TTC7B: variants seen among roughly 807,000 people sequenced by gnomAD.
TTC7B encodes the protein tetratricopeptide repeat protein 7B.
Under a neutral mutation model 106.8 loss-of-function variants are expected in TTC7B, and 28 were observed. The ratio of observed to expected loss-of-function variants is 0.26; its 90% CI spans 0.19 to 0.36. The LOEUF is 0.36. Among genes scored for constraint, TTC7B ranks in the 10% least tolerant of loss-of-function variants. The pLI is 1.00. For missense variants in TTC7B, 862 were observed against 1,076.4 expected (o/e 0.80, Z 2.79); for synonymous variants, 405 against 430.6 (o/e 0.94, Z 0.74).
At position 90,689,774 on chromosome 14, in the gene TTC7B, G is replaced by T. The variant is rs865963477; in HGVS notation, c.778-62C>A. The T allele has an allele frequency of 7.8e-6, 12 of 1,543,896 alleles. 1 individual carries two copies. The South Asian group carries it at 1.2e-4, about 15-fold the overall frequency. ...CTATCTTGTATTAGTCATTCATTCA[G>T]TCAGTCAATAAATATTTATATCATC... On this transcript the variant is annotated intron_variant, in intron 6 of 19. Transcript: ENST00000328459.
chr14:90,806,705 G>A (rs190241394), intron 1 of TTC7B, among the ~76,000 whole-genome samples: 79 of 152,234 alleles, frequency 5.2e-4, no homozygotes, highest in African/African-American at 1.6e-3. Context: ...CCAGGAGTTC[G>A]AGACCAGCCT....
rs776571994 is a variant in TTC7B at position 90,690,602 on chromosome 14, TA to T, written c.778-891del. On this transcript the variant is annotated intron_variant, in intron 6 of 19. Transcript: ENST00000328459. The stretch of plus-strand genomic sequence containing the variant: ...GTAACAAAGAAGAGGATAAGTAATT[TA>T]AAAAAAAATCCCTCTGAAAAGAGAA... Among the ~76,000 whole-genome samples the T allele has an allele frequency of 4.0e-5, 6 of 151,738 alleles. No individual in the cohort carries two copies. In the South Asian group the frequency reaches 1.0e-3, roughly 26 times the overall value.
At chr14:90,612,800 T>C (rs922536846) in intron 16 of TTC7B, among the ~76,000 whole-genome samples, 2 of 152,190 alleles carry the variant, frequency 1.3e-5, no homozygotes, top group African/African-American at 4.8e-5. Flanking sequence ...ACAACACACA[T>C]CTGAGGTTAA....
chr14:90,621,094 C>T (rs1227529876), intron 15 of TTC7B, among the ~76,000 whole-genome samples: 1 of 149,064 alleles, frequency 6.7e-6, no homozygotes, highest in Non-Finnish European at 1.5e-5. Context: ...GGGGCAGAGG[C>T]CACATGGGTT....
At chr14:90,666,890 T>C (rs1886431622) in intron 9 of TTC7B, among the ~76,000 whole-genome samples, 2 of 152,212 alleles carry the variant, frequency 1.3e-5, no homozygotes, top group South Asian at 4.1e-4. Flanking sequence ...TGCTCTCCTC[T>C]CAACTCTACG....
chr14:90,784,976 C>T (rs1891337982), intron 2 of TTC7B, among the ~76,000 whole-genome samples: 1 of 152,142 alleles, frequency 6.6e-6, no homozygotes, highest in Non-Finnish European at 1.5e-5. Context: ...CAAAGGTTGC[C>T]CAGGCCCTCC....
chr14:90,574,807 C>T (rs917395091), intron 19 of TTC7B, among the ~76,000 whole-genome samples: 1 of 152,214 alleles, frequency 6.6e-6, no homozygotes, highest in Non-Finnish European at 1.5e-5. Flanking sequence ...GACTGCTTGT[C>T]CCCTGGCTCC....
rs1446765944 is a variant in TTC7B at position 90,532,346 on chromosome 14, C to G, written c.*9022G>C. On this transcript the variant is annotated 3_prime_UTR_variant, in exon 20 of 20. Coordinates refer to ENST00000328459, the MANE Select transcript of TTC7B (RefSeq NM_001010854.2). ...CCCTATTTGTACATTACAGGATGCT[C>G]TTCCCTCTTCACATGGTCTGGTCCT... The G allele has an allele frequency of 6.6e-6, 1 of 152,208 alleles. No homozygotes were observed. The highest frequency in any genetic ancestry group is 1.5e-5 in the Non-Finnish European group (1 of 68,034). The allele number at this position is 152,208 out of a possible 1,614,324, so 9.4% of individuals were successfully genotyped here.
chr14:90,784,291 C>T (rs1473371524), intron 2 of TTC7B, among the ~76,000 whole-genome samples: 1 of 152,222 alleles, frequency 6.6e-6, no homozygotes, highest in Non-Finnish European at 1.5e-5. Flanking sequence ...GGAGCGGTGG[C>T]TCACGCCTGT....
chr14:90,638,299 T>C (rs1447084224), intron 15 of TTC7B, among the ~76,000 whole-genome samples: 1 of 152,158 alleles, frequency 6.6e-6, no homozygotes, highest in Non-Finnish European at 1.5e-5. Flanking sequence ...AAAGAAACAA[T>C]TTTAATCACC....
At position 90,525,256 on chromosome 14, in the gene TTC7B, C is replaced by G. The variant is rs1163331102; in HGVS notation, c.*16112G>C. Reference sequence around the variant, plus strand: ...CTCGTCACCACTACCTGGAGATTCACCCATGTTGCTGCAGGCACCAAGCCC... The same window carrying G: ...CTCGTCACCACTACCTGGAGATTCAGCCATGTTGCTGCAGGCACCAAGCCC... On this transcript the variant is annotated 3_prime_UTR_variant, in exon 20 of 20. Coordinates refer to ENST00000328459, the MANE Select transcript of TTC7B (RefSeq NM_001010854.2). The G allele has an allele frequency of 6.6e-6, 1 of 152,254 alleles. No individual in the cohort carries two copies. Among genetic ancestry groups the G allele is most frequent in the Non-Finnish European group, 1.5e-5 (1 of 68,062 alleles). The allele number at this position is 152,254 out of a possible 1,614,324, so 9.4% of individuals were successfully genotyped here.
intron 5 of TTC7B, among the ~76,000 whole-genome samples, chr14:90,703,031 T>C (rs1742096): frequency 0.33 from 49,805 of 152,042 alleles, 8,485 homozygotes; most frequent in Middle Eastern, 0.38. Flanking sequence ...AGTGAACCAC[T>C]AAAGCTTTAT....
Position 90,644,042 on chromosome 14 carries a change from A to G in TTC7B, c.1751+6T>C, listed in dbSNP as rs776659935. On this transcript the variant is annotated splice_donor_region_variant and intron_variant, in intron 15 of 19. Coordinates refer to ENST00000328459, the MANE Select transcript of TTC7B (RefSeq NM_001010854.2). ...TAAGGGAAAACCAAAGCCCAGGATC[A>G]CTTACATGAAATTTTCTGGGTATTC... 2.5e-6 allele frequency: 4 copies of G among 1,614,040 alleles called. No homozygotes were observed. Among genetic ancestry groups the G allele is most frequent in the Non-Finnish European group, 3.4e-6 (4 of 1,180,020 alleles).
intron 15 of TTC7B, among the ~76,000 whole-genome samples, chr14:90,625,024 T>A (rs1884377211): frequency 6.6e-6 from 1 of 152,196 alleles, no homozygotes; most frequent in Admixed American, 6.5e-5. Flanking sequence ...CTGCCTCCTG[T>A]CCAGATCGGG....
intron 1 of TTC7B, among the ~76,000 whole-genome samples, chr14:90,804,198 G>A (rs1200417831): frequency 1.3e-5 from 2 of 152,118 alleles, no homozygotes; most frequent in Admixed American, 6.5e-5. Context: ...AGCCGGGCGT[G>A]GTGGGGGCGC....
rs371130647 is a variant in TTC7B, at chr14:90,616,313, T to C, written c.1868+1616A>G. Reference sequence around the variant, plus strand: ...TGGGGGCTTTCAGGGGAGATAAATATGGACAGTTTCTATTTTTGCTTCCAG... The same window carrying C: ...TGGGGGCTTTCAGGGGAGATAAATACGGACAGTTTCTATTTTTGCTTCCAG... On this transcript the variant is annotated intron_variant, in intron 16 of 19. Coordinates refer to ENST00000328459, the MANE Select transcript of TTC7B (RefSeq NM_001010854.2). Among the ~76,000 whole-genome samples the C allele has an allele frequency of 5.3e-5, 8 of 152,334 alleles. No homozygotes were observed. The East Asian group carries it at 7.7e-4, about 15-fold the overall frequency.
intron 3 of TTC7B, among the ~76,000 whole-genome samples, chr14:90,747,700 T>A (rs1890012201): frequency 6.6e-6 from 1 of 152,228 alleles, no homozygotes; most frequent in Non-Finnish European, 1.5e-5. Flanking sequence ...TCCACTTGTT[T>A]TATCATTTAT....
rs537915448 is a variant in TTC7B at position 90,546,711 on chromosome 14, T to C, written c.2311-5122A>G. 8.5e-5 allele frequency among the ~76,000 whole-genome samples: 13 copies of C among 152,274 alleles called. No individual in the cohort carries two copies. In the East Asian group the frequency reaches 1.5e-3, roughly 18 times the overall value. ...CCAATGATGACATATTACCATATAT[T>C]ACCATATAACCTGCCACTCCCTGCC... On this transcript the variant is annotated intron_variant, in intron 19 of 19. Coordinates refer to ENST00000328459, the MANE Select transcript of TTC7B (RefSeq NM_001010854.2).
intron 9 of TTC7B, among the ~76,000 whole-genome samples, chr14:90,662,176 G>A (rs1886234725): frequency 6.6e-6 from 1 of 152,232 alleles, no homozygotes; most frequent in Non-Finnish European, 1.5e-5. Context: ...GAAGCGATAG[G>A]AATGTGGCAC....
Sources: allele counts gnomAD v4.1 joint callset (sites outside exome capture counted in the v4.1 genomes callset), GRCh38; gene constraint gnomAD v4.1.1; transcripts MANE v1.5; gene names NCBI Gene and HGNC (gene_info 2026-07-23, HGNC 2026-07-21).